The following RBFOX1 variants were observed in gnomAD, a reference collection of about 807,000 sequenced individuals.
RBFOX1 encodes the protein RNA binding protein fox-1 homolog 1.
In RBFOX1, 8 loss-of-function variants were observed where a neutral mutation model predicts 57.7. That is an observed-to-expected ratio of 0.14 (90% confidence interval 0.08 to 0.25). RBFOX1 has a LOEUF of 0.25. RBFOX1 is among the 10% of genes least tolerant of loss of function. The probability of loss-of-function intolerance (pLI) is 1.00; values close to 1 mark genes in which losing one functional copy is unlikely to be tolerated. For missense variants in RBFOX1, 611 were observed against 548.5 expected, an observed-to-expected ratio of 1.11 and a Z score of -1.14; for synonymous variants, 326 against 222.4, an observed-to-expected ratio of 1.47 and a Z score of -4.15.
chr16:6,656,705 AT>A (rs980637380), intron 3 of RBFOX1, among the ~76,000 whole-genome samples: 2 of 151,520 alleles, frequency 1.3e-5, no homozygotes, highest in African/African-American at 2.4e-5. Context: ...GAGTTTTCCC[AT>A]TTTTTTCTAA....
chr16:6,488,152 G>T (rs9925753), intron 2 of RBFOX1, among the ~76,000 whole-genome samples: 36,600 of 152,020 alleles, frequency 0.24, 5,136 homozygotes, highest in East Asian at 0.52. Flanking sequence ...ATATGAGGAA[G>T]GCCTCTGCCA....
chr16:6,073,709 G>C (rs551164939), intron 1 of RBFOX1, among the ~76,000 whole-genome samples: 71 of 152,214 alleles, frequency 4.7e-4, no homozygotes, highest in African/African-American at 1.7e-3. Context: ...AATTTTAATA[G>C]AGTTTTTATA....
intron 3 of RBFOX1, among the ~76,000 whole-genome samples, chr16:6,739,374 C>T (rs888039336): frequency 2.0e-5 from 3 of 152,022 alleles, no homozygotes; most frequent in Non-Finnish European, 2.9e-5. Flanking sequence ...AGAGCTTAAA[C>T]CAATTCTCTT....
chr16:7,124,677 A>G (rs879325650), intron 4 of RBFOX1, among the ~76,000 whole-genome samples: 1 of 151,404 alleles, frequency 6.6e-6, no homozygotes, highest in Non-Finnish European at 1.5e-5. Flanking sequence ...CGTGAACCTC[A>G]CAATACTCGA....
intron 1 of RBFOX1, among the ~76,000 whole-genome samples, chr16:5,447,220 G>C (rs1488181282): frequency 6.6e-6 from 1 of 152,070 alleles, no homozygotes. Context: ...CCTTCTTGGT[G>C]AAGGCAGTGT....
chr16:5,756,235 A>C (rs984229841), intron 3 of RBFOX1, among the ~76,000 whole-genome samples: 10 of 150,760 alleles, frequency 6.6e-5, no homozygotes, highest in African/African-American at 2.2e-4. Context: ...AAAAAAAAAA[A>C]AAAAAAAAAA....
intron 4 of RBFOX1, among the ~76,000 whole-genome samples, chr16:7,399,063 C>T (rs939226283): frequency 2.0e-5 from 3 of 152,186 alleles, no homozygotes; most frequent in African/African-American, 4.8e-5. Flanking sequence ...TCACTTTGTA[C>T]CTCAAACCTC....
At chr16:6,155,882 C>T (rs1311725494) in intron 1 of RBFOX1, among the ~76,000 whole-genome samples, 1 of 152,178 alleles carries the variant, frequency 6.6e-6, no homozygotes, top group African/African-American at 2.4e-5. Context: ...TTTTGCTGAG[C>T]ATTTCAAGAT....
intron 1 of RBFOX1, among the ~76,000 whole-genome samples, chr16:6,111,922 G>A (rs1202933075): frequency 1.3e-5 from 2 of 152,264 alleles, no homozygotes; most frequent in East Asian, 3.9e-4. Context: ...TTGGCTCAGA[G>A]GATAAGTGGT....
chr16:7,239,326 C>A (rs1462225421), intron 4 of RBFOX1, among the ~76,000 whole-genome samples: 1 of 151,946 alleles, frequency 6.6e-6, no homozygotes, highest in East Asian at 1.9e-4. Flanking sequence ...TGGTGAAATC[C>A]CATGTCTACT....
chr16:7,683,367 G>A (rs759158358), intron 14 of RBFOX1, among the ~76,000 whole-genome samples: 5 of 151,678 alleles, frequency 3.3e-5, no homozygotes, highest in Admixed American at 6.6e-5. Context: ...AAGAAAATGT[G>A]TTCAACTTTC....
At chr16:6,674,709 G>GGA (rs1568159671) in intron 3 of RBFOX1, among the ~76,000 whole-genome samples, 1 of 152,136 alleles carries the variant, frequency 6.6e-6, no homozygotes, top group Non-Finnish European at 1.5e-5. Flanking sequence ...GGCAGAGACT[G>GGA]GAGAGATGCA....
chr16:5,387,910 C>T (rs1265781229), intron 1 of RBFOX1, among the ~76,000 whole-genome samples: 1 of 152,172 alleles, frequency 6.6e-6, no homozygotes, highest in Non-Finnish European at 1.5e-5. Flanking sequence ...GGCTCAGAAT[C>T]AGAGCGATCT....
At chr16:6,834,747 TG>T (rs2092961906) in intron 3 of RBFOX1, among the ~76,000 whole-genome samples, 1 of 152,188 alleles carries the variant, frequency 6.6e-6, no homozygotes, top group African/African-American at 2.4e-5. Flanking sequence ...CGACTGCTCG[TG>T]AGACAGTTGC....
intron 3 of RBFOX1, among the ~76,000 whole-genome samples, chr16:6,906,530 A>C (rs560851964): frequency 6.6e-6 from 1 of 152,172 alleles, no homozygotes; most frequent in African/African-American, 2.4e-5. Flanking sequence ...TCTAATCTCT[A>C]GAAACTTTTC....
At chr16:5,400,757 A>C (rs974121632) in intron 1 of RBFOX1, among the ~76,000 whole-genome samples, 1 of 151,954 alleles carries the variant, frequency 6.6e-6, no homozygotes, top group African/African-American at 2.4e-5. Context: ...GATTGTAAAA[A>C]CTTTCATTCC....
chr16:7,159,732 A>C (rs1232154952), intron 4 of RBFOX1, among the ~76,000 whole-genome samples: 1 of 152,206 alleles, frequency 6.6e-6, no homozygotes. Context: ...GGATAGCCTG[A>C]CAAGACCCAG....
intron 3 of RBFOX1, among the ~76,000 whole-genome samples, chr16:6,850,792 A>T (rs761571280): frequency 7.9e-5 from 12 of 152,236 alleles, no homozygotes; most frequent in Non-Finnish European, 1.5e-4. Context: ...CAAATGACTT[A>T]ATCACTTTGG....
chr16:6,210,362 A>AAAAAAAAAAC (rs2097287600), intron 1 of RBFOX1, among the ~76,000 whole-genome samples: 2 of 25,092 alleles, frequency 8.0e-5, no homozygotes, highest in African/African-American at 2.5e-4. Context: ...AAAAAACACC[A>AAAAAAAAAAC]AAAAAAAAAA....
Sources: allele counts gnomAD v4.1 joint callset (sites outside exome capture counted in the v4.1 genomes callset), GRCh38; gene constraint gnomAD v4.1.1; transcripts MANE v1.5; gene names NCBI Gene and HGNC (gene_info 2026-07-23, HGNC 2026-07-21).